Variants in SAMD5 observed in about 807,000 individuals in gnomAD.
SAMD5 encodes the protein sterile alpha motif domain-containing protein 5.
In SAMD5, 13 loss-of-function variants were observed where a neutral mutation model predicts 11.3. That is an observed-to-expected ratio of 1.15 (90% CI 0.75 to 1.83). The LOEUF (loss-of-function observed/expected upper bound fraction) is 1.83, where lower values mean the gene tolerates loss of function less well. Among genes scored for constraint, SAMD5 ranks in the 40% most tolerant of loss-of-function variants. SAMD5 has a pLI of 0.00. For missense variants in SAMD5, 255 were observed against 239.1 expected (o/e 1.07, Z -0.44); for synonymous variants, 129 against 111.3 (o/e 1.16, Z -1.00).
rs376063782 is a variant in SAMD5, at chr6:147,564,432, G to A, written c.498G>A (p.Trp166Ter). The A allele has an allele frequency of 2.7e-5, 21 of 781,140 alleles. No homozygotes were observed. In the African/African-American group the frequency reaches 3.4e-4, roughly 13 times the overall value. 48.4% of individuals were successfully genotyped at this position (781,140 alleles called of 1,614,324 possible). ...MAGILEYLMN[W>*]PKSSQSR is the part of the protein sequence containing the mutation. ...GCATCCTAGAGTACTTAATGAATTG[G>A]CCGAAGTCATCACAGAGCCGCTAGA... The change falls in exon 2 of 2, where the codon TGG becomes TGA. Residue 166 changes from tryptophan (W) to a stop codon, truncating the protein, a stop_gained. Coordinates refer to ENST00000367474, the MANE Select transcript of SAMD5 (RefSeq NM_001030060.3). LOFTEE classifies it high-confidence loss of function.
At chr6:147,820,173 T>A in the SAMD5 span, among the ~76,000 whole-genome samples, 1 of 152,198 alleles carries the variant, frequency 6.6e-6, no homozygotes, top group Non-Finnish European at 1.5e-5. Flanking sequence ...TTCCTTTATC[T>A]CCATTATTTC....
chr6:147,937,585 A>C, the SAMD5 span, among the ~76,000 whole-genome samples: 1 of 152,216 alleles, frequency 6.6e-6, no homozygotes, highest in African/African-American at 2.4e-5. Context: ...CTGTTTTGCA[A>C]TAATGAGGCA....
rs2087589924 is a variant in SAMD5 at position 147,569,792 on chromosome 6, C to G, written c.*5336C>G. 1 of 985,152 alleles carries G rather than the reference C, an allele frequency of 1.0e-6. No homozygotes were observed. Among genetic ancestry groups the G allele is most frequent in the African/African-American group, 1.7e-5 (1 of 57,210 alleles). The allele number at this position is 985,152 out of a possible 1,614,324, so 61.0% of individuals were successfully genotyped here. ...AATCTACATGTGTATATCTGAGTAGCGAAGCACAGATTCACTCTAATTGAA... is the reference window on the plus strand; with the variant it reads ...AATCTACATGTGTATATCTGAGTAGGGAAGCACAGATTCACTCTAATTGAA... On this transcript the variant is annotated 3_prime_UTR_variant, in exon 2 of 2. Coordinates refer to ENST00000367474, the MANE Select transcript of SAMD5 (RefSeq NM_001030060.3).
rs539220746 is a variant in SAMD5, at chr6:147,699,746, G to A, written c.163-37571G>A. ...TATTGTTAGCTAGTTATTAACCAGC[G>A]AGTTGTAAATTCTTCAAAACAGTTC... On this transcript the variant is annotated intron_variant, in intron 1 of 1. Transcript: ENST00000566741. Among the ~76,000 whole-genome samples the A allele has an allele frequency of 6.6e-5, 10 of 152,242 alleles. No homozygotes were observed. In the South Asian group the frequency reaches 1.5e-3, roughly 22 times the overall value.
chr6:147,601,351 T>G (rs996063262), intron 1 of SAMD5, among the ~76,000 whole-genome samples: 1 of 152,052 alleles, frequency 6.6e-6, no homozygotes, highest in Non-Finnish European at 1.5e-5. Flanking sequence ...TTTTTTTTTT[T>G]GCTGGACTAT....
chr6:147,918,409 G>A, the SAMD5 span, among the ~76,000 whole-genome samples: 1 of 151,988 alleles, frequency 6.6e-6, no homozygotes, highest in Admixed American at 6.6e-5. Flanking sequence ...GGCAAAAACT[G>A]GAAGCATTCC....
At chr6:147,538,436 C>T (rs909000163) in intron 1 of SAMD5, among the ~76,000 whole-genome samples, 9 of 152,322 alleles carry the variant, frequency 5.9e-5, no homozygotes, top group Middle Eastern at 3.4e-3. Context: ...ACGTTTTACA[C>T]ACCTTGCATG....
chr6:147,699,552 A>G (rs1791223669), intron 1 of SAMD5, among the ~76,000 whole-genome samples: 1 of 152,222 alleles, frequency 6.6e-6, no homozygotes, highest in African/African-American at 2.4e-5. Flanking sequence ...GATGATGTTA[A>G]AAATGCAAAT....
the SAMD5 span, among the ~76,000 whole-genome samples, chr6:147,819,689 G>A: frequency 6.6e-6 from 1 of 152,194 alleles, no homozygotes; most frequent in African/African-American, 2.4e-5. Flanking sequence ...ACTGGAATAG[G>A]TCTCCAGGTT....
At chr6:147,653,555 G>C (rs1287732096) in intron 1 of SAMD5, among the ~76,000 whole-genome samples, 1 of 152,156 alleles carries the variant, frequency 6.6e-6, no homozygotes, top group Non-Finnish European at 1.5e-5. Context: ...TCAAAGACTT[G>C]TAATTAGGCA....
chr6:147,939,182 A>G, the SAMD5 span, among the ~76,000 whole-genome samples: 1 of 152,210 alleles, frequency 6.6e-6, no homozygotes, highest in South Asian at 2.1e-4. Flanking sequence ...GGCAAAGGTC[A>G]AGAAGCTTCC....
At chr6:147,563,145 T>G (rs1022567754) in intron 1 of SAMD5, among the ~76,000 whole-genome samples, 2 of 151,176 alleles carry the variant, frequency 1.3e-5, no homozygotes, top group African/African-American at 2.5e-5. Flanking sequence ...TAGTAATACT[T>G]ACCATCTATT....
the SAMD5 span, among the ~76,000 whole-genome samples, chr6:147,942,525 C>T: frequency 6.6e-6 from 1 of 152,202 alleles, no homozygotes; most frequent in Non-Finnish European, 1.5e-5. Context: ...GCATTCTTCG[C>T]TGTGTGGGGA....
the SAMD5 span, among the ~76,000 whole-genome samples, chr6:147,817,153 G>T: frequency 6.6e-6 from 1 of 152,114 alleles, no homozygotes. Flanking sequence ...TCTCTTGAGT[G>T]CCATATGCAT....
chr6:147,771,166 A>C, the SAMD5 span, among the ~76,000 whole-genome samples: 3 of 152,232 alleles, frequency 2.0e-5, no homozygotes, highest in Non-Finnish European at 4.4e-5. Context: ...GGTAGGTTCC[A>C]AGCTTCAACC....
chr6:147,582,968 C>T (rs1562326384), intron 1 of SAMD5, among the ~76,000 whole-genome samples: 1 of 152,148 alleles, frequency 6.6e-6, no homozygotes, highest in East Asian at 1.9e-4. Context: ...GTTTCAGGCA[C>T]ATGGAGTGTG....
At chr6:147,763,969 AC>A in the SAMD5 span, among the ~76,000 whole-genome samples, 3 of 152,198 alleles carry the variant, frequency 2.0e-5, no homozygotes, top group Non-Finnish European at 4.4e-5. Context: ...TCTAGTCCTG[AC>A]TTGGGTGCAC....
chr6:147,710,891 AAC>A (rs1431613017), intron 1 of SAMD5, among the ~76,000 whole-genome samples: 1 of 151,974 alleles, frequency 6.6e-6, no homozygotes, highest in African/African-American at 2.4e-5. Flanking sequence ...TGAAGGGAGA[AAC>A]AGTGTCTTGT....
chr6:147,804,149 C>A, the SAMD5 span, among the ~76,000 whole-genome samples: 1 of 149,532 alleles, frequency 6.7e-6, no homozygotes, highest in East Asian at 2.0e-4. Context: ...TTGCTGTCGG[C>A]CAGGCTGGAG....
Sources: allele counts gnomAD v4.1 joint callset (sites outside exome capture counted in the v4.1 genomes callset), GRCh38; gene constraint gnomAD v4.1.1; transcripts MANE v1.5; gene names NCBI Gene and HGNC (gene_info 2026-07-23, HGNC 2026-07-21).